The following FNDC3B variants were observed in gnomAD, a reference collection of about 807,000 sequenced individuals.
The protein encoded by FNDC3B is fibronectin type III domain-containing protein 3B.
Under a neutral mutation model 151.5 loss-of-function variants are expected in FNDC3B, and 12 were observed. The observed-to-expected ratio is 0.08, with a 90% CI of 0.05 to 0.13. The LOEUF (loss-of-function observed/expected upper bound fraction) is 0.13, where lower values mean the gene tolerates loss of function less well. FNDC3B is among the 10% of genes least tolerant of loss of function. The pLI is 1.00. For missense variants in FNDC3B, 1,214 were observed against 1,505.3 expected (o/e 0.81, Z 3.20); for synonymous variants, 528 against 549.0 (o/e 0.96, Z 0.54).
At chr3:172,045,766 GTCTCTC>G (rs67916203) in intron 1 of FNDC3B, among the ~76,000 whole-genome samples, 4,072 of 147,216 alleles carry the variant, frequency 0.028, 186 homozygotes, top group African/African-American at 0.095. Flanking sequence ...TTTACTGAGT[GTCTCTC>G]TCTCTCTCTC....
In FNDC3B at chr3:172,051,542, G is replaced by C. The variant is rs1230727937; in HGVS notation, c.-29+11771G>C. 2.0e-5 allele frequency among the ~76,000 whole-genome samples: 3 copies of C among 152,130 alleles called. No individual in the cohort carries two copies. In the East Asian group the frequency reaches 5.8e-4, roughly 29 times the overall value. Reference sequence around the variant, plus strand: ...AATAAGAATGATACAGTGGACTTTGGGGACTCAAGGGGAAAGGTTGGGAAG... The same window carrying C: ...AATAAGAATGATACAGTGGACTTTGCGGACTCAAGGGGAAAGGTTGGGAAG... On this transcript the variant is annotated intron_variant, in intron 1 of 25. Transcript: ENST00000415807.
At chr3:172,250,968 C>A (rs1008844539) in intron 5 of FNDC3B, among the ~76,000 whole-genome samples, 3 of 152,152 alleles carry the variant, frequency 2.0e-5, no homozygotes, top group African/African-American at 7.2e-5. Context: ...AGGCGCCTAC[C>A]ACCACGCCTG....
chr3:172,121,162 T>C (rs926267054), intron 2 of FNDC3B, among the ~76,000 whole-genome samples: 27 of 152,226 alleles, frequency 1.8e-4, no homozygotes, highest in African/African-American at 6.3e-4. Context: ...ATCTGGAAAT[T>C]GTTAACTTTT....
intron 13 of FNDC3B, among the ~76,000 whole-genome samples, chr3:172,331,806 G>C (rs1384807112): frequency 6.6e-6 from 1 of 152,004 alleles, no homozygotes; most frequent in African/African-American, 2.4e-5. Flanking sequence ...TCATTTCTTT[G>C]GGCAGTCCTT....
rs893658561 is a variant in FNDC3B, at chr3:172,163,114, TA to T, written c.187+29575del. ...GACTCTGTCTATACAAAAATTTTTT[TA>T]AAAAAATTAACTGGGCATGATGGTG... On this transcript the variant is annotated intron_variant, in intron 3 of 25. Transcript: ENST00000415807. Among the ~76,000 whole-genome samples, 186 of 151,920 alleles carry T rather than the reference TA, an allele frequency of 1.2e-3. 1 individual carries two copies. The highest frequency in any genetic ancestry group is 4.3e-3 in the African/African-American group (179 of 41,412).
At chr3:172,052,091 T>C (rs1381859729) in intron 1 of FNDC3B, among the ~76,000 whole-genome samples, 2 of 150,860 alleles carry the variant, frequency 1.3e-5, no homozygotes, top group Non-Finnish European at 3.0e-5. Flanking sequence ...TCTTCTTCTT[T>C]TTTTTTTTTT....
intron 3 of FNDC3B, among the ~76,000 whole-genome samples, chr3:172,153,078 C>T (rs374872990): frequency 8.5e-5 from 13 of 152,224 alleles, no homozygotes; most frequent in African/African-American, 2.4e-4. Flanking sequence ...GTGTCGGGAC[C>T]GCTGAGATTG....
rs147636185 is a variant in FNDC3B, at chr3:172,268,427, T to G, written c.790+16886T>G. 3.0e-3 allele frequency among the ~76,000 whole-genome samples: 459 copies of G among 152,198 alleles called. 4 individuals carry two copies. The highest frequency in any genetic ancestry group is 0.011 in the African/African-American group (446 of 41,524). ...ATTGTATAAATAGGGCAAGAAGAAA[T>G]AATACCAAGAAGTGGGGGAAAAAGT... is the stretch of plus-strand genomic sequence containing the variant. On this transcript the variant is annotated intron_variant, in intron 6 of 25. Coordinates refer to ENST00000415807, the MANE Select transcript of FNDC3B (RefSeq NM_022763.4).
intron 1 of FNDC3B, among the ~76,000 whole-genome samples, chr3:172,094,071 G>T (rs1718981324): frequency 7.7e-6 from 1 of 129,248 alleles, no homozygotes; most frequent in African/African-American, 3.0e-5. Context: ...TCGGCATTGT[G>T]TAACCACCAC....
intron 3 of FNDC3B, among the ~76,000 whole-genome samples, chr3:172,176,732 A>C (rs571850266): frequency 1.3e-5 from 2 of 152,292 alleles, no homozygotes; most frequent in African/African-American, 4.8e-5. Context: ...TTTTTTGAAT[A>C]GTCTGGAGTG....
chr3:172,204,929 G>T (rs1725345946), intron 3 of FNDC3B, among the ~76,000 whole-genome samples: 1 of 152,214 alleles, frequency 6.6e-6, no homozygotes, highest in African/African-American at 2.4e-5. Context: ...ATTCTGGTCT[G>T]TGTTGCTTAT....
At chr3:172,334,739 C>T (rs552033663) in intron 14 of FNDC3B, among the ~76,000 whole-genome samples, 3 of 152,192 alleles carry the variant, frequency 2.0e-5, no homozygotes, top group South Asian at 2.1e-4. Context: ...ACTGTGCTGG[C>T]TGGTTTTATT....
At chr3:172,233,555 G>T (rs1490613810) in intron 4 of FNDC3B, among the ~76,000 whole-genome samples, 1 of 152,228 alleles carries the variant, frequency 6.6e-6, no homozygotes, top group African/African-American at 2.4e-5. Flanking sequence ...AGTGGGGCCT[G>T]TTAGGTGGAA....
chr3:172,135,275 A>G (rs1432761385), intron 3 of FNDC3B, among the ~76,000 whole-genome samples: 1 of 151,760 alleles, frequency 6.6e-6, no homozygotes, highest in Non-Finnish European at 1.5e-5. Flanking sequence ...GTGTGTGTAT[A>G]TATGTGTTTT....
intron 1 of FNDC3B, among the ~76,000 whole-genome samples, chr3:172,056,753 T>C (rs1210742188): frequency 2.0e-5 from 3 of 152,254 alleles, no homozygotes; most frequent in Admixed American, 6.5e-5. Context: ...ATGTATTTCT[T>C]AATGGGATAA....
At chr3:172,148,797 G>A (rs1294549014) in intron 3 of FNDC3B, among the ~76,000 whole-genome samples, 2 of 152,186 alleles carry the variant, frequency 1.3e-5, no homozygotes, top group African/African-American at 4.8e-5. Context: ...TTCAGTGGTT[G>A]AGTTCATTGA....
intron 1 of FNDC3B, among the ~76,000 whole-genome samples, chr3:172,042,939 G>T (rs1403478136): frequency 6.6e-6 from 1 of 151,978 alleles, no homozygotes; most frequent in Admixed American, 6.6e-5. Flanking sequence ...GGTTGAGATG[G>T]ATTCTCGCTC....
chr3:172,085,191 G>A (rs1718486378), intron 1 of FNDC3B, among the ~76,000 whole-genome samples: 1 of 152,170 alleles, frequency 6.6e-6, no homozygotes, highest in Admixed American at 6.5e-5. Context: ...TTGTAAAGCT[G>A]GGCTTCAGGA....
chr3:172,163,386 A>G (rs1722870907), intron 3 of FNDC3B, among the ~76,000 whole-genome samples: 1 of 152,228 alleles, frequency 6.6e-6, no homozygotes, highest in African/African-American at 2.4e-5. Context: ...GACTGAAAAT[A>G]TGTTAGCATT....
Sources: allele counts gnomAD v4.1 joint callset (sites outside exome capture counted in the v4.1 genomes callset), GRCh38; gene constraint gnomAD v4.1.1; transcripts MANE v1.5; gene names NCBI Gene and HGNC (gene_info 2026-07-23, HGNC 2026-07-21).